CCDC27: variants seen among roughly 807,000 people sequenced by gnomAD.
CCDC27 encodes the protein coiled-coil domain containing 27.
A neutral mutation model predicts 80.3 loss-of-function variants in CCDC27; 80 were observed. The ratio of observed to expected loss-of-function variants is 1.00; its 90% CI spans 0.83 to 1.20. The LOEUF is 1.20. Ranked by LOEUF, CCDC27 falls within the 50% of genes most tolerant of loss-of-function variation. The pLI, the probability that CCDC27 is intolerant of heterozygous loss-of-function variation, is 0.00. For missense variants in CCDC27, 815 were observed against 809.4 expected (o/e 1.01, Z -0.08); for synonymous variants, 342 against 334.3 (o/e 1.02, Z -0.25).
chr1:3,756,373 C>A, intron 3 of CCDC27: 1 of 162,230 alleles, frequency 6.2e-6, no homozygotes, highest in Non-Finnish European at 1.3e-5. Flanking sequence ...GATGGGAAAA[C>A]TGAGGCTCCA....
chr1:3,766,842 T>G lies in CCDC27; in HGVS notation c.1530+230T>G, dbSNP rs1010363879. 4.1e-5 allele frequency among the ~76,000 whole-genome samples: 6 copies of G among 145,142 alleles called. No homozygotes were observed. The highest frequency in any genetic ancestry group is 7.6e-5 in the Non-Finnish European group (5 of 66,174). On this transcript the variant is annotated intron_variant, in intron 9 of 11. Coordinates refer to ENST00000294600, the MANE Select transcript of CCDC27 (RefSeq NM_152492.3). The surrounding 1 kb of genome is among the most constrained non-coding windows in gnomAD (Gnocchi z 6.1). Reference sequence around the variant, plus strand: ...CCCAGCAAGCGTTCCCAGTCCTTTTTTTTTTTTTTTTTTTTTTGAGACAGA... The same window carrying G: ...CCCAGCAAGCGTTCCCAGTCCTTTTGTTTTTTTTTTTTTTTTTGAGACAGA...
chr1:3,763,899 C>T lies in CCDC27; in HGVS notation c.1452+63C>T. ...CATGGGCCCCAGGCTTCATTAACCCCCGGCAGCTCGGGGCAGGCGCTGCCC... is the reference window on the plus strand; with the variant it reads ...CATGGGCCCCAGGCTTCATTAACCCTCGGCAGCTCGGGGCAGGCGCTGCCC... On this transcript the variant is annotated intron_variant, in intron 8 of 11. Transcript: ENST00000294600. This position sits in a 1 kb window ranked among gnomAD's most constrained non-coding sequence, Gnocchi z 7.5. 3 of 1,582,346 alleles carry T rather than the reference C, an allele frequency of 1.9e-6. No homozygotes were observed. Among genetic ancestry groups the T allele is most frequent in the East Asian group, 2.3e-5 (1 of 44,194 alleles).
intron 1 of CCDC27, among the ~76,000 whole-genome samples, chr1:3,753,652 A>C (rs1642877682): frequency 6.6e-6 from 1 of 152,160 alleles, no homozygotes; most frequent in Admixed American, 6.5e-5. Flanking sequence ...TGGTTTCCAA[A>C]GTGGGTCTGC....
chr1:3,767,334 G>A lies in CCDC27; in HGVS notation c.1632G>A (p.Gln544=), dbSNP rs1557630949. 1 of 1,614,046 alleles carries A rather than the reference G, an allele frequency of 6.2e-7. No individual in the cohort carries two copies. Among genetic ancestry groups the A allele is most frequent in the East Asian group, 2.2e-5 (1 of 44,882 alleles). ...SQLQEQVELD[Q]NHLQRWKQLQ... Reference sequence around the variant, plus strand: ...TGCAGGAGCAGGTGGAACTGGACCAGAACCACCTGCAGAGGTGGAAGCAGC... The same window carrying A: ...TGCAGGAGCAGGTGGAACTGGACCAAAACCACCTGCAGAGGTGGAAGCAGC... Residue 544 remains glutamine (Q), a synonymous_variant, in exon 10 of 12, where the codon CAG becomes CAA. Coordinates refer to ENST00000294600, the MANE Select transcript of CCDC27 (RefSeq NM_152492.3).
In CCDC27 at chr1:3,752,509, C is replaced by T. The variant is rs1426360856; in HGVS notation, c.28C>T (p.Pro10Ser). Residue 10 changes from proline to serine, a missense_variant, in exon 1 of 12, where the codon CCC (proline) becomes TCC (serine). Transcript: ENST00000294600. MFEAIFPST[P>S]QARLKRDPRE... ...GTTCGAGGCCATCTTCCCCTCCACA[C>T]CCCAAGCCAGGCTGAAGAGAGATCC... The T allele has an allele frequency of 6.2e-7, 1 of 1,614,090 alleles. No individual in the cohort carries two copies. Among genetic ancestry groups the T allele is most frequent in the South Asian group, 1.1e-5 (1 of 91,074 alleles).
Position 3,752,694 on chromosome 1 carries a change from G to A in CCDC27, c.213G>A (p.Gln71=). Residue 71 remains glutamine (Q), a synonymous_variant, in exon 1 of 12, where the codon CAG becomes CAA. Coordinates refer to ENST00000294600, the MANE Select transcript of CCDC27 (RefSeq NM_152492.3). ...SSMARALVLL[Q]SMASRDARCP... The stretch of plus-strand genomic sequence containing the variant: ...TGGCCAGGGCCCTGGTGCTCCTCCA[G>A]AGCATGGCCAGCCGGGACGCCCGGT... 6.2e-7 allele frequency: 1 copy of A among 1,614,008 alleles called. No individual in the cohort carries two copies. The highest frequency in any genetic ancestry group is 1.7e-5 in the Admixed American group (1 of 60,032).
intron 4 of CCDC27, among the ~76,000 whole-genome samples, chr1:3,758,838 C>T (rs1258036900): frequency 1.3e-5 from 2 of 152,048 alleles, no homozygotes; most frequent in Non-Finnish European, 2.9e-5. Context: ...CTCAAGTGAT[C>T]CTCTTGCCTC....
At position 3,756,717 on chromosome 1, in the gene CCDC27, TC is replaced by T; in HGVS notation, c.554-14del. 2 of 1,613,148 alleles carry T rather than the reference TC, an allele frequency of 1.2e-6. No individual in the cohort carries two copies. The highest frequency in any genetic ancestry group is 2.7e-5 in the African/African-American group (2 of 75,028). ...GAAGGGTCTCATTTCTCACTTGGCC[TC>T]CGCTGTCGCCACAGGGTACCTCCTT... is the stretch of plus-strand genomic sequence containing the variant. On this transcript the variant is annotated splice_polypyrimidine_tract_variant and intron_variant, in intron 3 of 11. Coordinates refer to ENST00000294600, the MANE Select transcript of CCDC27 (RefSeq NM_152492.3).
In CCDC27 at chr1:3,766,712, C is replaced by G. The variant is rs71634363; in HGVS notation, c.1530+100C>G. 1.1e-6 allele frequency: 1 copy of G among 926,370 alleles called. No homozygotes were observed. Among genetic ancestry groups the G allele is most frequent in the Non-Finnish European group, 1.7e-6 (1 of 594,828 alleles). 57.4% of individuals were successfully genotyped at this position (926,370 alleles called of 1,614,324 possible). ...AGACGGGGCTGGAGCGTCTTCACAGCTGAGCCAGGACCCCTTCGGTAGCAT... is the reference window on the plus strand; with the variant it reads ...AGACGGGGCTGGAGCGTCTTCACAGGTGAGCCAGGACCCCTTCGGTAGCAT... On this transcript the variant is annotated intron_variant, in intron 9 of 11. Transcript: ENST00000294600. This position sits in a 1 kb window ranked among gnomAD's most constrained non-coding sequence, Gnocchi z 6.1.
At chr1:3,764,502 C>T (rs900464845) in intron 8 of CCDC27, among the ~76,000 whole-genome samples, 1 of 152,162 alleles carries the variant, frequency 6.6e-6, no homozygotes, top group Admixed American at 6.6e-5. Context: ...CCCCCCAACA[C>T]ACACAAGGGC....
At position 3,763,823 on chromosome 1, in the gene CCDC27, C is replaced by G; in HGVS notation, c.1439C>G (p.Ala480Gly). 6.2e-7 allele frequency: 1 copy of G among 1,614,066 alleles called. No homozygotes were observed. Reference sequence around the variant, plus strand: ...CGAGAGCGGAGGCAGCAGCTACAAGCCATGACCGACAAGGTGGCCGTGCGC... The same window carrying G: ...CGAGAGCGGAGGCAGCAGCTACAAGGCATGACCGACAAGGTGGCCGTGCGC... ...ELRERRQQLQ[A>G]MTDKFSNLRE... Residue 480 changes from alanine (A) to glycine (G), a missense_variant, in exon 8 of 12, where the codon GCC becomes GGC. Coordinates refer to ENST00000294600, the MANE Select transcript of CCDC27 (RefSeq NM_152492.3). This position sits in a 1 kb window ranked among gnomAD's most constrained non-coding sequence, Gnocchi z 7.5.
chr1:3,769,409 G>T lies in CCDC27; in HGVS notation c.1744-374G>T, dbSNP rs1643306783. ...AGGGCCAGGAAGTCCGCTCACTGCAGCTCCCCTGGGCAGTGGAGGATGGTC... is the reference window on the plus strand; with the variant it reads ...AGGGCCAGGAAGTCCGCTCACTGCATCTCCCCTGGGCAGTGGAGGATGGTC... On this transcript the variant is annotated intron_variant, in intron 10 of 11. Transcript: ENST00000294600. This position sits in a 1 kb window ranked among gnomAD's most constrained non-coding sequence, Gnocchi z 4.6. 1.3e-5 allele frequency among the ~76,000 whole-genome samples: 2 copies of T among 152,174 alleles called. No homozygotes were observed. The highest frequency in any genetic ancestry group is 4.8e-5 in the African/African-American group (2 of 41,436).
At position 3,763,835 on chromosome 1, in the gene CCDC27, A is replaced by C. The variant is rs779222864; in HGVS notation, c.1451A>C (p.Lys484Thr). The C allele has an allele frequency of 6.2e-7, 1 of 1,613,842 alleles. No individual in the cohort carries two copies. Among genetic ancestry groups the C allele is most frequent in the African/African-American group, 1.3e-5 (1 of 74,918 alleles). The change falls in exon 8 of 12, where the codon AAG (lysine) becomes ACG (threonine). Residue 484 changes from lysine to threonine, a missense_variant and splice_region_variant. Transcript: ENST00000294600. This position sits in a 1 kb window ranked among gnomAD's most constrained non-coding sequence, Gnocchi z 7.5. ...CAGCAGCTACAAGCCATGACCGACA[A>C]GGTGGCCGTGCGCTCAGTACCGGCC... ...RRQQLQAMTDKFSNLREDKKH... is the reference protein window; with the variant it reads ...RRQQLQAMTDTFSNLREDKKH...
chr1:3,770,018 AC>A, intron 11 of CCDC27, 131 bp downstream of exon 11: 1 of 674,528 alleles, frequency 1.5e-6, no homozygotes, highest in East Asian at 2.6e-5. Context: ...ATTCACTTGG[AC>A]CCCAGGACCC....
At position 3,752,774 on chromosome 1, in the gene CCDC27, C is replaced by G. The variant is rs1352598901; in HGVS notation, c.293C>G (p.Thr98Ser). ...KPRTLSKSVQ[T>S]ISRYYRKTSE... ...CGCACGCTCAGCAAGTCGGTCCAGA[C>G]CATCAGCCGCTACTACAGGAAGACG... Residue 98 changes from threonine (T) to serine (S), a missense_variant, in exon 1 of 12, where the codon ACC becomes AGC. Coordinates refer to ENST00000294600, the MANE Select transcript of CCDC27 (RefSeq NM_152492.3). 3 of 1,612,790 alleles carry G rather than the reference C, an allele frequency of 1.9e-6. No individual in the cohort carries two copies. The highest frequency in any genetic ancestry group is 1.7e-6 in the Non-Finnish European group (2 of 1,179,508).
rs752347360 is a variant in CCDC27 at position 3,761,408 on chromosome 1, C to T, written c.839C>T (p.Thr280Ile). 14 of 1,613,952 alleles carry T rather than the reference C, an allele frequency of 8.7e-6. No homozygotes were observed. The highest frequency in any genetic ancestry group is 1.2e-5 in the Non-Finnish European group (14 of 1,179,998). The change falls in exon 5 of 12, where the codon ACA (threonine) becomes ATA (isoleucine). Residue 280 changes from threonine (T) to isoleucine (I), a missense_variant. Coordinates refer to ENST00000294600, the MANE Select transcript of CCDC27 (RefSeq NM_152492.3). This position sits in a 1 kb window ranked among gnomAD's most constrained non-coding sequence, Gnocchi z 5.0. ...CTTCTGAAAGGCAAAGGCCAAGAGA[C>T]ATCCATGTCCCCAGGCAGGAGGGTG... is the stretch of plus-strand genomic sequence containing the variant. Reference protein sequence around the residue: ...KCLLKGKGQETSMSPGRREQL... With the variant: ...KCLLKGKGQEISMSPGRREQL...
At chr1:3,755,258 C>G (rs1642922533) in intron 2 of CCDC27, among the ~76,000 whole-genome samples, 199 bp from the exon 3 acceptor site, 1 of 152,202 alleles carries the variant, frequency 6.6e-6, no homozygotes, top group Non-Finnish European at 1.5e-5. Flanking sequence ...ACACTTGGGT[C>G]TGCTGAGGTG....
chr1:3,756,754 A>G lies in CCDC27; in HGVS notation c.575A>G (p.Lys192Arg). Reference sequence around the variant, plus strand: ...ACAGGGTACCTCCTTCCCTTCAGTAAGAGCATCTGCGAGTTCGATTACTTG... The same window carrying G: ...ACAGGGTACCTCCTTCCCTTCAGTAGGAGCATCTGCGAGTTCGATTACTTG... ...NVDGYLLPFS[K>R]SICEFDYLRK... Residue 192 changes from lysine to arginine, a missense_variant, in exon 4 of 12, where the codon AAG becomes AGG. Transcript: ENST00000294600. 1 of 1,614,034 alleles carries G rather than the reference A, an allele frequency of 6.2e-7. No individual in the cohort carries two copies.
intron 10 of CCDC27, among the ~76,000 whole-genome samples, chr1:3,767,934 C>T (rs2124597744): frequency 6.6e-6 from 1 of 152,228 alleles, no homozygotes; most frequent in South Asian, 2.1e-4. Flanking sequence ...ATGAACAGTC[C>T]CCCTGGACAG....
Sources: allele counts gnomAD v4.1 joint callset (sites outside exome capture counted in the v4.1 genomes callset), GRCh38; gene constraint gnomAD v4.1.1; non-coding constraint Gnocchi (gnomAD v3.1); transcripts MANE v1.5; gene names NCBI Gene and HGNC (gene_info 2026-07-23, HGNC 2026-07-21).